STX8: variants seen among roughly 807,000 people sequenced by gnomAD.
STX8 encodes syntaxin 8, also known as syntaxin-8.
STX8 carries 23 observed loss-of-function variants against 37.5 expected under a neutral mutation model. The ratio of observed to expected loss-of-function variants is 0.61; its 90% CI spans 0.44 to 0.87. STX8 has a LOEUF of 0.87. Ranked by LOEUF, STX8 falls within the 40% of genes least tolerant of loss-of-function variation. STX8 has a pLI of 0.00. For synonymous variants in STX8, 115 were observed against 99.1 expected (o/e 1.16, Z -0.95); for missense variants, 313 against 284.7 (o/e 1.10, Z -0.71).
chr17:9,574,276 A>G (rs895879629), intron 1 of STX8, among the ~76,000 whole-genome samples: 4 of 147,222 alleles, frequency 2.7e-5, no homozygotes, highest in Non-Finnish European at 6.0e-5. Context: ...CTCCGTCTCA[A>G]AAAAAAAAAA....
intron 6 of STX8, among the ~76,000 whole-genome samples, chr17:9,472,886 G>A (rs546458156): frequency 1.3e-5 from 2 of 152,288 alleles, no homozygotes; most frequent in Non-Finnish European, 1.5e-5. Flanking sequence ...CCAGGGTCAA[G>A]ACCAGTATAT....
chr17:9,388,812 G>C (rs201641956), intron 6 of STX8, among the ~76,000 whole-genome samples: 1 of 108,056 alleles, frequency 9.3e-6, no homozygotes, highest in Admixed American at 1.0e-4. Context: ...TCAAAAAAAA[G>C]AAAAAAAAAA....
intron 6 of STX8, among the ~76,000 whole-genome samples, chr17:9,379,414 G>A (rs1435716717): frequency 1.3e-5 from 2 of 152,230 alleles, no homozygotes. Flanking sequence ...AAACAAATAC[G>A]TGGATTAGAT....
chr17:9,500,622 G>A (rs774374791), intron 5 of STX8, among the ~76,000 whole-genome samples: 2 of 152,172 alleles, frequency 1.3e-5, no homozygotes, highest in Non-Finnish European at 2.9e-5. Context: ...AAGGCTGCAT[G>A]ATCCAAGATC....
intron 7 of STX8, among the ~76,000 whole-genome samples, chr17:9,309,881 A>G (rs1909131280): frequency 6.6e-6 from 1 of 152,234 alleles, no homozygotes; most frequent in South Asian, 2.1e-4. Context: ...CATAAACTCC[A>G]TATCAACAGA....
chr17:9,386,762 T>A (rs1912028471), intron 6 of STX8, among the ~76,000 whole-genome samples: 1 of 152,184 alleles, frequency 6.6e-6, no homozygotes, highest in South Asian at 2.1e-4. Context: ...GAAAATCAGT[T>A]CCATGGCTGA....
At chr17:9,337,007 T>C (rs888716145) in intron 7 of STX8, among the ~76,000 whole-genome samples, 3 of 152,134 alleles carry the variant, frequency 2.0e-5, no homozygotes, top group African/African-American at 7.2e-5. Context: ...GAGGTAGTCC[T>C]AACAGCTCAG....
chr17:9,540,623 C>G (rs375555426), intron 4 of STX8: 1 of 152,212 alleles, frequency 6.6e-6, no homozygotes, highest in African/African-American at 2.4e-5. Context: ...CCGCTCTTGG[C>G]CAGACTCCAT....
chr17:9,488,819 A>AGT (rs1244919629), intron 6 of STX8, among the ~76,000 whole-genome samples: 184 of 92,380 alleles, frequency 2.0e-3, no homozygotes, highest in South Asian at 4.8e-3. Context: ...AGAGAGAGAG[A>AGT]GAGTGTGTGT....
intron 2 of STX8, among the ~76,000 whole-genome samples, chr17:9,559,606 CCAATA>C (rs1312799511): frequency 1.3e-5 from 2 of 148,996 alleles, no homozygotes; most frequent in Non-Finnish European, 3.0e-5. Flanking sequence ...GAAGTTCTAA[CCAATA>C]CAATAAGAAA....
chr17:9,448,445 C>A (rs1904929188), intron 6 of STX8, among the ~76,000 whole-genome samples: 1 of 152,146 alleles, frequency 6.6e-6, no homozygotes. Flanking sequence ...TTTCACATTT[C>A]TGTTGTTGCT....
chr17:9,292,318 T>C (rs969249370), intron 7 of STX8, among the ~76,000 whole-genome samples: 1 of 152,238 alleles, frequency 6.6e-6, no homozygotes, highest in Admixed American at 6.5e-5. Context: ...GGCTTCAGCA[T>C]TCACTGGCGT....
At chr17:9,282,202 G>C (rs1907911552) in intron 7 of STX8, among the ~76,000 whole-genome samples, 1 of 152,170 alleles carries the variant, frequency 6.6e-6, no homozygotes, top group South Asian at 2.1e-4. Flanking sequence ...GCGTGATCTT[G>C]GCTTACTGCA....
intron 7 of STX8, among the ~76,000 whole-genome samples, chr17:9,291,441 C>CAAAA (rs371757156): frequency 7.1e-5 from 6 of 85,036 alleles, no homozygotes; most frequent in African/African-American, 3.0e-4. Flanking sequence ...GACTCGGTCT[C>CAAAA]AAAAAAAAAA....
intron 6 of STX8, among the ~76,000 whole-genome samples, chr17:9,420,663 GC>G (rs1567552605): frequency 6.6e-6 from 1 of 151,978 alleles, no homozygotes; most frequent in South Asian, 2.1e-4. Flanking sequence ...CTACAATTCT[GC>G]CCCCACAACT....
At chr17:9,430,060 A>T (rs11869876) in intron 6 of STX8, among the ~76,000 whole-genome samples, 1 of 60,074 alleles carries the variant, frequency 1.7e-5, no homozygotes, top group African/African-American at 8.1e-5. Context: ...ATTCTATATA[A>T]TATATATATT....
chr17:9,454,317 A>C (rs1019750430), intron 6 of STX8, among the ~76,000 whole-genome samples: 4 of 152,200 alleles, frequency 2.6e-5, no homozygotes, highest in African/African-American at 9.7e-5. Context: ...TTCGTGTCCC[A>C]GGTGGAACAG....
At chr17:9,391,400 G>A (rs561943636) in intron 6 of STX8, among the ~76,000 whole-genome samples, 7 of 151,730 alleles carry the variant, frequency 4.6e-5, no homozygotes, top group African/African-American at 1.2e-4. Flanking sequence ...TGCAGTGAGC[G>A]GAGATCATGC....
intron 3 of STX8, among the ~76,000 whole-genome samples, chr17:9,549,371 C>T (rs1206785104): frequency 6.6e-6 from 1 of 152,124 alleles, no homozygotes; most frequent in Non-Finnish European, 1.5e-5. Flanking sequence ...AGAACAGAAA[C>T]CCACACAGTT....
Sources: gnomAD v4.1 joint callset for allele counts (sites outside exome capture counted in the v4.1 genomes callset) on GRCh38, gnomAD v4.1.1 for gene constraint, MANE v1.5 for transcripts, NCBI Gene and HGNC (gene_info 2026-07-23, HGNC 2026-07-21) for gene names.